The following RSRP1 variants were observed in gnomAD, a reference collection of about 807,000 sequenced individuals.
RSRP1 encodes the protein arginine and serine rich protein 1.
Under a neutral mutation model 33.0 loss-of-function variants are expected in RSRP1, and 37 were observed. That is an observed-to-expected ratio of 1.12 (90% confidence interval 0.86 to 1.48). The LOEUF (loss-of-function observed/expected upper bound fraction) is 1.48, where lower values mean the gene tolerates loss of function less well. Among genes scored for constraint, RSRP1 ranks in the 40% most tolerant of loss-of-function variants. The probability of loss-of-function intolerance (pLI) is 0.00; values close to 1 mark genes in which losing one functional copy is unlikely to be tolerated. For synonymous variants in RSRP1, 167 were observed against 158.7 expected (o/e 1.05, Z -0.40); for missense variants, 402 against 385.3 (o/e 1.04, Z -0.36).
chr1:25,277,062 G>A (rs140117601), intron 1 of RSRP1, among the ~76,000 whole-genome samples: 3,774 of 131,520 alleles, frequency 0.029, 643 homozygotes, highest in African/African-American at 0.09. Context: ...GCGAGACTCC[G>A]TCTAAAAAAA....
chr1:25,291,502 AT>A lies in RSRP1; in HGVS notation c.-66-44474del, dbSNP rs1642505493. 3.8e-5 allele frequency among the ~76,000 whole-genome samples: 5 copies of A among 130,968 alleles called. 1 individual carries two copies. In the South Asian group the frequency reaches 1.2e-3, roughly 31 times the overall value. The allele number at this position is 130,968 out of a possible 152,430, so 85.9% of individuals were successfully genotyped here. ...AAATAAAGAAAAAAGAAAAGAAAAG[AT>A]TGATAGATAGATAGATATCCAAATG... On this transcript the variant is annotated intron_variant, in intron 1 of 1. Transcript: ENST00000561867.
chr1:25,291,093 CCGAG>C, intron 1 of RSRP1, among the ~76,000 whole-genome samples: 1 of 129,796 alleles, frequency 7.7e-6, no homozygotes, highest in Admixed American at 7.5e-5. Context: ...GAGTTAGGGA[CCGAG>C]CTGGGCAACA....
chr1:25,337,055 G>GA (rs1405455257), intron 1 of RSRP1: 5 of 169,394 alleles, frequency 3.0e-5, no homozygotes, highest in Non-Finnish European at 5.2e-5. Flanking sequence ...TAACTGAAGT[G>GA]AAGGGGGGTT....
intron 1 of RSRP1, among the ~76,000 whole-genome samples, chr1:25,261,969 C>T (rs643790): frequency 1.1e-4 from 17 of 152,102 alleles, no homozygotes; most frequent in African/African-American, 2.2e-4. Flanking sequence ...GCCTCGGCCT[C>T]CCAAAGTGCT....
chr1:25,280,446 C>T (rs1641381978), intron 1 of RSRP1, among the ~76,000 whole-genome samples: 1 of 128,446 alleles, frequency 7.8e-6, no homozygotes, highest in South Asian at 2.4e-4. Context: ...GCTGGGATTA[C>T]AGGCATGCGC....
intron 1 of RSRP1, among the ~76,000 whole-genome samples, chr1:25,271,793 C>T (rs1427859731): frequency 2.3e-5 from 3 of 131,384 alleles, no homozygotes; most frequent in African/African-American, 7.8e-5. Flanking sequence ...AGGCAGAGTC[C>T]TGGGCTGCCC....
At chr1:25,244,257 A>C (rs1485672141) in intron 3 of RSRP1, 5 of 1,289,078 alleles carry the variant, frequency 3.9e-6, no homozygotes, top group Non-Finnish European at 5.1e-6. Context: ...TGAAAGGGAC[A>C]TCTTTTTCAC....
At chr1:25,247,239 C>A in intron 1 of RSRP1, 70 bp downstream of exon 1, 1 of 418,356 alleles carries the variant, frequency 2.4e-6, no homozygotes, top group South Asian at 5.6e-5. Flanking sequence ...GGGCCCGGCA[C>A]GTTTCCCGTC....
chr1:25,315,153 TC>T (rs1351685795), intron 1 of RSRP1, among the ~76,000 whole-genome samples: 1 of 129,712 alleles, frequency 7.7e-6, no homozygotes, highest in Non-Finnish European at 1.8e-5. Flanking sequence ...AGACTCCATC[TC>T]AAAAAAAAAT....
chr1:25,264,335 C>T lies in RSRP1; in HGVS notation c.-66-17306G>A, dbSNP rs1370741362. ...TTCTGACTGGGCATCCAGGCATTTC[C>T]GCACATCCTCTTTAATCTAGGCGAA... On this transcript the variant is annotated intron_variant, in intron 1 of 1. Coordinates refer to the RSRP1 transcript ENST00000561867. 2.6e-5 allele frequency among the ~76,000 whole-genome samples: 4 copies of T among 151,984 alleles called. 1 individual carries two copies. In the South Asian group the frequency reaches 6.2e-4, roughly 24 times the overall value.
At chr1:25,290,741 G>A in intron 1 of RSRP1, 1 of 1,377,926 alleles carries the variant, frequency 7.3e-7, no homozygotes, top group South Asian at 1.2e-5. Context: ...GGTGCTGGTG[G>A]AGGTGACAGC....
chr1:25,290,226 C>A (rs1642369056), intron 1 of RSRP1, among the ~76,000 whole-genome samples: 1 of 128,440 alleles, frequency 7.8e-6, no homozygotes, highest in Non-Finnish European at 1.8e-5. Context: ...GTGGGCAGGC[C>A]TGCGGGGGAA....
At chr1:25,247,183 C>T (rs1220043771) in intron 1 of RSRP1, 126 bp downstream of exon 1, 2 of 495,002 alleles carry the variant, frequency 4.0e-6, no homozygotes, top group Non-Finnish European at 7.0e-6. Context: ...CGCTCGGCGC[C>T]CTGAGGCCGC....
In RSRP1 at chr1:25,284,752, CTG is replaced by C. The variant is rs758701720; in HGVS notation, c.-66-37725_-66-37724del. The C allele has an allele frequency of 4.8e-5, 67 of 1,388,830 alleles. 9 individuals are homozygous for C. In the African/African-American group the frequency reaches 8.4e-4, roughly 17 times the overall value. 86.0% of individuals were successfully genotyped at this position (1,388,830 alleles called of 1,614,324 possible). A position where few individuals can be genotyped will look rare whatever the true frequency, so the allele number is the denominator to read the frequency against. Reference sequence around the variant, plus strand: ...CCCTTCTGGGAAGGTGGTCATCACACTGTTCAGGTATTGGGATGGTGGCTGGA... The same window carrying C: ...CCCTTCTGGGAAGGTGGTCATCACACTTCAGGTATTGGGATGGTGGCTGGA... On this transcript the variant is annotated intron_variant, in intron 1 of 1. Coordinates refer to the RSRP1 transcript ENST00000561867.
rs1172601632 is a variant in RSRP1, at chr1:25,309,040, G to A, written c.-67+28938C>T. 2.3e-5 allele frequency among the ~76,000 whole-genome samples: 3 copies of A among 132,332 alleles called. 1 individual carries two copies. In the East Asian group the frequency reaches 5.8e-4, roughly 26 times the overall value. The allele number at this position is 132,332 out of a possible 152,430, so 86.8% of individuals were successfully genotyped here. On this transcript the variant is annotated intron_variant, in intron 1 of 1. Coordinates refer to the RSRP1 transcript ENST00000561867. ...CATCTCTATGTAATGGAAAGATGGA[G>A]AGAGGATTAAGCGCAAAGTCACAAC...
chr1:25,251,218 A>C (rs1001448635), upstream of RSRP1, among the ~76,000 whole-genome samples: 1 of 152,118 alleles, frequency 6.6e-6, no homozygotes, highest in Admixed American at 6.5e-5. Context: ...AAGAAACAAA[A>C]TGTGACTGAC....
intron 1 of RSRP1, among the ~76,000 whole-genome samples, chr1:25,312,938 A>AAAAAAAAAAAAAAAAC: frequency 9.3e-6 from 1 of 107,268 alleles, no homozygotes; most frequent in Non-Finnish European, 2.3e-5. Flanking sequence ...AAAAAAAAAA[A>AAAAAAAAAAAAAAAAC]AAAAAAAAAA....
chr1:25,245,401 T>G (rs1639286786), intron 2 of RSRP1, 100 bp from the exon 3 acceptor site: 1 of 1,391,208 alleles, frequency 7.2e-7, no homozygotes, highest in Non-Finnish European at 9.6e-7. Context: ...TTTGTGGTAT[T>G]AAATATATTA....
rs572058969 is a variant in RSRP1, at chr1:25,295,990, G to T, written c.-67+41988C>A. 2.5e-4 allele frequency among the ~76,000 whole-genome samples: 29 copies of T among 116,112 alleles called. 5 individuals carry two copies. Among genetic ancestry groups the T allele is most frequent in the African/African-American group, 8.0e-4 (27 of 33,760 alleles). The allele number at this position is 116,112 out of a possible 152,430, so 76.2% of individuals were successfully genotyped here. A position where few individuals can be genotyped will look rare whatever the true frequency, so the allele number is the denominator to read the frequency against. On this transcript the variant is annotated intron_variant, in intron 1 of 1. Transcript: ENST00000561867. Reference sequence around the variant, plus strand: ...TGATTCTCCTGTCTCAGCTTCCCGAGTAGCTGAGATTACAGGCACACACCA... The same window carrying T: ...TGATTCTCCTGTCTCAGCTTCCCGATTAGCTGAGATTACAGGCACACACCA...
Sources: gnomAD v4.1 joint callset for allele counts (sites outside exome capture counted in the v4.1 genomes callset) on GRCh38, gnomAD v4.1.1 for gene constraint, MANE v1.5 for transcripts, NCBI Gene and HGNC (gene_info 2026-07-23, HGNC 2026-07-21) for gene names.